Variants in GPR174 observed in about 807,000 individuals in gnomAD.
The protein encoded by GPR174 is G protein-coupled receptor 174.
GPR174 carries 8 observed loss-of-function variants against 16.5 expected under a neutral mutation model. The ratio of observed to expected loss-of-function variants is 0.48; its 90% CI spans 0.28 to 0.87. The LOEUF (loss-of-function observed/expected upper bound fraction) is 0.87, where lower values mean the gene tolerates loss of function less well. GPR174 is among the 40% of genes least tolerant of loss of function. The pLI is 0.09. For synonymous variants in GPR174, 111 were observed against 94.8 expected (o/e 1.17, Z -0.99); for missense variants, 214 against 247.5 (o/e 0.86, Z 0.91).
chrX:79,163,485 C>T (rs1255546846), intron 2 of GPR174, among the ~76,000 whole-genome samples: 2 of 111,363 alleles, frequency 1.8e-5, no homozygotes, highest in Non-Finnish European at 3.8e-5. Flanking sequence ...CTGGAAAGAT[C>T]GGGAAGAAGG....
At chrX:79,163,726 A>T (rs2184869) in intron 2 of GPR174, among the ~76,000 whole-genome samples, 7,469 of 111,893 alleles carry the variant, frequency 0.067, 649 homozygotes, top group East Asian at 0.55. Flanking sequence ...AAATGTATTT[A>T]GTAACAAAAT....
At chrX:79,166,807 T>G (rs1261870290) in intron 2 of GPR174, among the ~76,000 whole-genome samples, 3 of 111,698 alleles carry the variant, frequency 2.7e-5, no homozygotes, top group African/African-American at 9.8e-5. Context: ...TGAATCTAAC[T>G]GAGTTTCGTC....
intron 2 of GPR174, among the ~76,000 whole-genome samples, chrX:79,167,118 T>G (rs1921392519): frequency 8.9e-6 from 1 of 111,798 alleles, no homozygotes; most frequent in African/African-American, 3.3e-5. Flanking sequence ...ACACAGGCAA[T>G]GAAGATAGGA....
chrX:79,147,187 C>A (rs1161100140), intron 1 of GPR174, among the ~76,000 whole-genome samples: 1 of 110,964 alleles, frequency 9.0e-6, no homozygotes, highest in East Asian at 2.9e-4. Context: ...AAATGAGACT[C>A]GTAGAGGTGA....
intron 1 of GPR174, among the ~76,000 whole-genome samples, chrX:79,152,668 T>C (rs1187358655): frequency 2.7e-5 from 3 of 111,805 alleles, no homozygotes; most frequent in Non-Finnish European, 5.7e-5. Context: ...TTCTAAATTA[T>C]GCTTTCAACA....
intron 1 of GPR174, among the ~76,000 whole-genome samples, chrX:79,152,973 A>T (rs1435530225): frequency 8.9e-6 from 1 of 112,181 alleles, no homozygotes; most frequent in African/African-American, 3.2e-5. Context: ...CCCTTTGCAC[A>T]TGTCAGCATT....
intron 1 of GPR174, among the ~76,000 whole-genome samples, chrX:79,149,243 A>T (rs959183309): frequency 6.2e-5 from 7 of 112,142 alleles, no homozygotes; most frequent in African/African-American, 2.3e-4. Context: ...CATCCTTATG[A>T]CAATAGCATT....
At chrX:79,168,893 T>C (rs1439408528) in intron 2 of GPR174, among the ~76,000 whole-genome samples, 1 of 111,481 alleles carries the variant, frequency 9.0e-6, no homozygotes, top group Non-Finnish European at 1.9e-5. Context: ...AGCAAAATGA[T>C]ACAGAAAGCC....
chrX:79,148,797 T>A (rs1037023381), intron 1 of GPR174, among the ~76,000 whole-genome samples: 2 of 112,048 alleles, frequency 1.8e-5, no homozygotes, highest in Non-Finnish European at 3.8e-5. Flanking sequence ...TGTGAGCCCC[T>A]GCACTTGGCC....
At position 79,174,410 on chromosome X, in the gene GPR174, A is replaced by G. The variant is rs1442427818; in HGVS notation, c.*2401A>G. ...TGCTAATAGCTAATGTTAGGTTCAT[A>G]TTAATTTACCCAGGAATATCTGAAT... On this transcript the variant is annotated 3_prime_UTR_variant, in exon 3 of 3. Transcript: ENST00000645147. 9.3e-6 allele frequency: 1 copy of G among 107,469 alleles called. No individual in the cohort carries two copies. The highest frequency in any genetic ancestry group is 1.9e-5 in the Non-Finnish European group (1 of 52,084). 8.9% of individuals were successfully genotyped at this position (107,469 alleles called of 1,213,427 possible).
At position 79,171,835 on chromosome X, in the gene GPR174, G is replaced by A; in HGVS notation, c.828G>A (p.Val276=). ...ARRVILIFHS[V]ALCLASLNSC... is the part of the protein sequence containing the mutation. ...GGGTGATTCTAATATTTCATTCTGT[G>A]GCATTGTGTCTTGCTAGTCTGAATT... The change falls in exon 3 of 3, where the codon GTG becomes GTA. Residue 276 remains valine (V), a synonymous_variant. Coordinates refer to ENST00000645147, the MANE Select transcript of GPR174 (RefSeq NM_032553.3). The A allele has an allele frequency of 8.3e-7, 1 of 1,210,710 alleles. No homozygotes were observed. Among genetic ancestry groups the A allele is most frequent in the Admixed American group, 2.2e-5 (1 of 45,968 alleles).
At chrX:79,166,529 C>A (rs933098182) in intron 2 of GPR174, among the ~76,000 whole-genome samples, 4 of 98,455 alleles carry the variant, frequency 4.1e-5, no homozygotes, top group Non-Finnish European at 8.0e-5. Flanking sequence ...ATCTCTGCCT[C>A]CCGGGTTCAA....
intron 2 of GPR174, among the ~76,000 whole-genome samples, chrX:79,169,701 C>G (rs1369740572): frequency 9.0e-6 from 1 of 111,327 alleles, no homozygotes; most frequent in Admixed American, 9.6e-5. Flanking sequence ...ATCCAGGCCC[C>G]TAAGCTAAAA....
chrX:79,167,017 G>T (rs1921388992), intron 2 of GPR174, among the ~76,000 whole-genome samples: 1 of 111,619 alleles, frequency 9.0e-6, no homozygotes, highest in South Asian at 3.7e-4. Flanking sequence ...CATGAAGAAG[G>T]CAGCATTTTA....
At chrX:79,165,145 T>A (rs1473485840) in intron 2 of GPR174, among the ~76,000 whole-genome samples, 2 of 110,915 alleles carry the variant, frequency 1.8e-5, no homozygotes, top group African/African-American at 6.6e-5. Flanking sequence ...TCTCAAAGTT[T>A]CTGAAAACCC....
At chrX:79,153,459 A>C (rs1253346212) in intron 1 of GPR174, among the ~76,000 whole-genome samples, 1 of 111,940 alleles carries the variant, frequency 8.9e-6, no homozygotes, top group Non-Finnish European at 1.9e-5. Context: ...ACTTTCTTCC[A>C]GTCTTGAATG....
At chrX:79,147,497 T>A (rs757145664) in intron 1 of GPR174, among the ~76,000 whole-genome samples, 11 of 80,900 alleles carry the variant, frequency 1.4e-4, no homozygotes, top group African/African-American at 4.2e-4. Flanking sequence ...TTTTTCCTAC[T>A]GTGCTCATAG....
intron 1 of GPR174, among the ~76,000 whole-genome samples, chrX:79,146,721 A>G (rs1228447936): frequency 8.9e-6 from 1 of 112,080 alleles, no homozygotes; most frequent in East Asian, 2.8e-4. Context: ...GAATAAACAT[A>G]AAATGAGTCA....
In GPR174 at chrX:79,173,338, C is replaced by G. The variant is rs761801961; in HGVS notation, c.*1329C>G. The G allele has an allele frequency of 8.9e-6, 1 of 112,046 alleles. No individual in the cohort carries two copies. Among genetic ancestry groups the G allele is most frequent in the Non-Finnish European group, 1.9e-5 (1 of 53,216 alleles). 9.2% of individuals were successfully genotyped at this position (112,046 alleles called of 1,213,427 possible). A position where few individuals can be genotyped will look rare whatever the true frequency, so the allele number is the denominator to read the frequency against. ...CAATGGCCAATGACTTGCCTACTAC[C>G]TGTTTGGTACTATTGTGTGGGAAAC... On this transcript the variant is annotated 3_prime_UTR_variant, in exon 3 of 3. Coordinates refer to ENST00000645147, the MANE Select transcript of GPR174 (RefSeq NM_032553.3).
Sources: gnomAD v4.1 joint callset for allele counts (sites outside exome capture counted in the v4.1 genomes callset) on GRCh38, gnomAD v4.1.1 for gene constraint, MANE v1.5 for transcripts, NCBI Gene and HGNC (gene_info 2026-07-23, HGNC 2026-07-21) for gene names.